LRRIQ1: variants seen among roughly 807,000 people sequenced by gnomAD.
The protein encoded by LRRIQ1 is leucine rich repeats and IQ motif containing 1, also known as leucine-rich repeat- and IQ domain-containing protein 1.
In LRRIQ1, 210 loss-of-function variants were observed where a neutral mutation model predicts 211.9. The ratio of observed to expected loss-of-function variants is 0.99; its 90% CI spans 0.89 to 1.11. The LOEUF (loss-of-function observed/expected upper bound fraction) is 1.11. LRRIQ1 is among the 50% of genes most tolerant of loss of function. The probability of loss-of-function intolerance (pLI) is 0.00; values close to 1 mark genes in which losing one functional copy is unlikely to be tolerated. For missense variants in LRRIQ1, 2,136 were observed against 1,939.5 expected (o/e 1.10, Z -1.90); for synonymous variants, 699 against 650.1 (o/e 1.08, Z -1.14).
In LRRIQ1 at chr12:85,127,864, G is replaced by A. The variant is rs748238601; in HGVS notation, c.4040G>A (p.Arg1347His). 44 of 1,613,674 alleles carry A rather than the reference G, an allele frequency of 2.7e-5. No homozygotes were observed. The highest frequency in any genetic ancestry group is 3.3e-5 in the Non-Finnish European group (39 of 1,180,006). The change falls in exon 18 of 27, where the codon CGT becomes CAT. Residue 1347 changes from arginine (R) to histidine (H), a missense_variant. Physicochemically the swap from Arg to His is conservative, Grantham distance 29. Transcript: ENST00000393217. ...MAAVVIQSYW[R>H]GYLMRRQTHF... ...GCTGTGGTAATCCAGTCATACTGGCGTGGTTACCTCATGCGCAGACAGACT... is the reference window on the plus strand; with the variant it reads ...GCTGTGGTAATCCAGTCATACTGGCATGGTTACCTCATGCGCAGACAGACT...
intron 24 of LRRIQ1, among the ~76,000 whole-genome samples, chr12:85,189,620 A>AT (rs1565892166): frequency 6.6e-6 from 1 of 151,810 alleles, no homozygotes; most frequent in African/African-American, 2.4e-5. Flanking sequence ...CATGAAAAGT[A>AT]TAACAATATA....
intron 24 of LRRIQ1, among the ~76,000 whole-genome samples, chr12:85,189,794 T>A (rs1592941859): frequency 1.4e-5 from 2 of 146,596 alleles, no homozygotes; most frequent in South Asian, 4.2e-4. Flanking sequence ...ATATTATTTA[T>A]TATATCTGTA....
chr12:85,118,803 G>A (rs1249699166), intron 15 of LRRIQ1, among the ~76,000 whole-genome samples: 3 of 151,678 alleles, frequency 2.0e-5, no homozygotes, highest in Non-Finnish European at 2.9e-5. Flanking sequence ...TAATAATCTC[G>A]CTTTGTCATT....
Position 85,041,215 on chromosome 12 carries a change from T to A in LRRIQ1, c.244+614T>A, listed in dbSNP as rs1006290600. On this transcript the variant is annotated intron_variant, in intron 3 of 26. Transcript: ENST00000393217. ...TTAAAATTAAATGGCATTTATGTAT[T>A]AGTATAAATTACAATGTAGATATTC... Among the ~76,000 whole-genome samples, 43 of 151,932 alleles carry A rather than the reference T, an allele frequency of 2.8e-4. No individual in the cohort carries two copies. In the Middle Eastern group the frequency reaches 0.01, roughly 36 times the overall value.
intron 23 of LRRIQ1, chr12:85,159,465 C>T (rs1459252277): frequency 6.6e-6 from 1 of 151,836 alleles, no homozygotes; most frequent in Admixed American, 6.6e-5. Context: ...CACAAATGAT[C>T]TCATTAATTT....
intron 15 of LRRIQ1, among the ~76,000 whole-genome samples, chr12:85,113,465 C>T (rs186812408): frequency 1.3e-5 from 2 of 151,968 alleles, no homozygotes; most frequent in Admixed American, 6.6e-5. Context: ...TGTTATATCC[C>T]TAATGGAAAA....
chr12:85,250,953 T>TATTATATATAATAGATTTTATAG (rs1555230710), intron 1 of LRRIQ1, among the ~76,000 whole-genome samples: 2 of 92,274 alleles, frequency 2.2e-5, no homozygotes, highest in East Asian at 6.3e-4. Flanking sequence ...ATATTTTATA[T>TATTATATATAATAGATTTTATAG]ATTATATATT....
intron 26 of LRRIQ1, among the ~76,000 whole-genome samples, chr12:85,240,237 A>T (rs1376081064): frequency 6.6e-6 from 1 of 152,178 alleles, no homozygotes; most frequent in East Asian, 1.9e-4. Context: ...TCACTTAGAG[A>T]AATAATTAAA....
chr12:85,217,815 A>G (rs1031893296), intron 24 of LRRIQ1, among the ~76,000 whole-genome samples: 2 of 150,748 alleles, frequency 1.3e-5, no homozygotes, highest in African/African-American at 2.4e-5. Flanking sequence ...ACACACATAT[A>G]TATGTGTGTG....
intron 24 of LRRIQ1, among the ~76,000 whole-genome samples, chr12:85,170,204 A>G (rs1891348173): frequency 6.6e-6 from 1 of 151,554 alleles, no homozygotes; most frequent in Non-Finnish European, 1.5e-5. Flanking sequence ...TTTCCCCCTA[A>G]TTCTGCCATA....
intron 24 of LRRIQ1, among the ~76,000 whole-genome samples, chr12:85,204,097 T>C (rs577198390): frequency 2.6e-5 from 4 of 152,300 alleles, no homozygotes; most frequent in Non-Finnish European, 5.9e-5. Context: ...AGCTGCTTCA[T>C]TGTCCCATGG....
the LRRIQ1 span, among the ~76,000 whole-genome samples, chr12:85,269,461 A>T: frequency 6.6e-6 from 1 of 152,164 alleles, no homozygotes; most frequent in African/African-American, 2.4e-5. Context: ...TCAATTTATA[A>T]GTATTATTAA....
chr12:85,261,949 C>G (rs1896310064), intron 1 of LRRIQ1, among the ~76,000 whole-genome samples: 1 of 152,050 alleles, frequency 6.6e-6, no homozygotes, highest in South Asian at 2.1e-4. Flanking sequence ...CGCCACCACG[C>G]CCGGCTAATT....
intron 24 of LRRIQ1, among the ~76,000 whole-genome samples, chr12:85,206,391 A>T (rs901467669): frequency 6.6e-6 from 1 of 152,046 alleles, no homozygotes; most frequent in Non-Finnish European, 1.5e-5. Context: ...GAGTGCAGGG[A>T]TATGGGGCAG....
In LRRIQ1 at chr12:85,229,620, T is replaced by A. The variant is rs1478268573; in HGVS notation, c.4926T>A (p.His1642Gln). 1 of 1,612,374 alleles carries A rather than the reference T, an allele frequency of 6.2e-7. No individual in the cohort carries two copies. Among genetic ancestry groups the A allele is most frequent in the Non-Finnish European group, 8.5e-7 (1 of 1,179,452 alleles). The stretch of plus-strand genomic sequence containing the variant: ...GGCTTCACACACAGGTTGGGGTTCA[T>A]GAAACGACTAGTTCCAGAAATATGA... ...YQWLHTQVGVHETTSSRNMKC... is the reference protein window; with the variant it reads ...YQWLHTQVGVQETTSSRNMKC... Residue 1642 changes from histidine to glutamine, a missense_variant, in exon 25 of 27, where the codon CAT (histidine) becomes CAA (glutamine). Transcript: ENST00000393217.
chr12:85,138,044 T>C lies in LRRIQ1; in HGVS notation c.4329+75T>C, dbSNP rs537713721. The C allele has an allele frequency of 3.5e-5, 32 of 908,962 alleles. No individual in the cohort carries two copies. In the East Asian group the frequency reaches 8.2e-4, roughly 23 times the overall value. The allele number at this position is 908,962 out of a possible 1,614,324, so 56.3% of individuals were successfully genotyped here. A position where few individuals can be genotyped will look rare whatever the true frequency, so the allele number is the denominator to read the frequency against. On this transcript the variant is annotated intron_variant, in intron 19 of 26. Transcript: ENST00000393217. ...GTACTATTTTGAAGATAAACCAGTT[T>C]CTAAGGTGTTTATCCTATTAATATT...
At chr12:85,243,360 AGTT>A (rs1292416826) in intron 26 of LRRIQ1, among the ~76,000 whole-genome samples, 2 of 144,266 alleles carry the variant, frequency 1.4e-5, no homozygotes, top group Admixed American at 7.0e-5. Flanking sequence ...TTATACTTTA[AGTT>A]TTAGGGTACC....
intron 18 of LRRIQ1, among the ~76,000 whole-genome samples, chr12:85,135,475 A>G (rs1025567001): frequency 4.6e-5 from 7 of 151,790 alleles, no homozygotes; most frequent in African/African-American, 7.2e-5. Context: ...GATACTTTCT[A>G]TCTACTATTC....
downstream of LRRIQ1, chr12:85,245,210 T>TC: frequency 6.0e-6 from 2 of 333,656 alleles, no homozygotes; most frequent in Non-Finnish European, 1.0e-5. Context: ...CTAAAAGAAT[T>TC]TTTTAGACTA....
Sources: gnomAD v4.1 joint callset for allele counts (sites outside exome capture counted in the v4.1 genomes callset) on GRCh38, gnomAD v4.1.1 for gene constraint, MANE v1.5 for transcripts, NCBI Gene and HGNC (gene_info 2026-07-23, HGNC 2026-07-21) for gene names.